ADGRB3: variants seen among roughly 807,000 people sequenced by gnomAD.
ADGRB3 encodes brain-specific angiogenesis inhibitor 3.
A neutral mutation model predicts 193.4 loss-of-function variants in ADGRB3; 37 were observed. The ratio of observed to expected loss-of-function variants is 0.19; its 90% CI spans 0.15 to 0.25. The LOEUF (loss-of-function observed/expected upper bound fraction) is 0.25. Ranked by LOEUF, ADGRB3 falls within the 10% of genes least tolerant of loss-of-function variation. ADGRB3 has a pLI of 1.00. For missense variants in ADGRB3, 1,637 were observed against 1,852.9 expected, an observed-to-expected ratio of 0.88 and a Z score of 2.14; for synonymous variants, 690 against 644.2, an observed-to-expected ratio of 1.07 and a Z score of -1.08.
At chr6:68,938,351 A>T (rs1767537706) in intron 5 of ADGRB3, among the ~76,000 whole-genome samples, 1 of 151,538 alleles carries the variant, frequency 6.6e-6, no homozygotes, top group Middle Eastern at 3.4e-3. Context: ...AACAAGTAGA[A>T]GTAAGGACCA....
At chr6:68,818,427 A>G (rs1203006360) in intron 3 of ADGRB3, among the ~76,000 whole-genome samples, 1 of 151,778 alleles carries the variant, frequency 6.6e-6, no homozygotes, top group African/African-American at 2.4e-5. Context: ...CCCCTTCCCA[A>G]CCCTCCATCC....
chr6:68,917,525 C>G (rs1766916782), intron 3 of ADGRB3, among the ~76,000 whole-genome samples: 1 of 152,028 alleles, frequency 6.6e-6, no homozygotes, highest in Non-Finnish European at 1.5e-5. Context: ...TAAAAAATCT[C>G]AGTTCCTGAT....
intron 17 of ADGRB3, among the ~76,000 whole-genome samples, chr6:69,081,850 A>G (rs1272944840): frequency 6.6e-6 from 1 of 152,086 alleles, no homozygotes; most frequent in Non-Finnish European, 1.5e-5. Flanking sequence ...GCAACCCATT[A>G]TGTCCATTAG....
At chr6:68,894,443 A>C (rs911186869) in intron 3 of ADGRB3, among the ~76,000 whole-genome samples, 7 of 151,936 alleles carry the variant, frequency 4.6e-5, no homozygotes, top group African/African-American at 1.7e-4. Context: ...ATTTCTTTCT[A>C]GACTATGCCT....
At chr6:68,791,363 A>G (rs935049460) in intron 3 of ADGRB3, among the ~76,000 whole-genome samples, 1 of 152,250 alleles carries the variant, frequency 6.6e-6, no homozygotes, top group Non-Finnish European at 1.5e-5. Context: ...CATACAATAT[A>G]GGTATATGCT....
intron 20 of ADGRB3, among the ~76,000 whole-genome samples, chr6:69,258,803 CCA>C (rs1411502083): frequency 1.3e-5 from 2 of 152,134 alleles, no homozygotes; most frequent in African/African-American, 2.4e-5. Context: ...TTCACCTTCC[CCA>C]CACCCTCTCC....
chr6:69,371,301 A>G (rs1031351695), intron 29 of ADGRB3, among the ~76,000 whole-genome samples: 5 of 152,098 alleles, frequency 3.3e-5, no homozygotes, highest in African/African-American at 1.2e-4. Flanking sequence ...ATTTAATCAT[A>G]GTTTTCAAGA....
rs1333687259 is a variant in ADGRB3 at position 69,050,063 on chromosome 6, A to G, written c.2333+717A>G. The stretch of plus-strand genomic sequence containing the variant: ...ACCTCGTTTTGGAAGATAGAGATAA[A>G]GTTGTTTTAGTTAAATACGATCACA... On this transcript the variant is annotated intron_variant, in intron 15 of 31. Transcript: ENST00000370598. Among the ~76,000 whole-genome samples the G allele has an allele frequency of 6.6e-5, 10 of 152,210 alleles. No individual in the cohort carries two copies. In the South Asian group the frequency reaches 1.7e-3, roughly 25 times the overall value.
chr6:69,368,815 G>A (rs1008689674), intron 29 of ADGRB3, among the ~76,000 whole-genome samples: 1 of 152,066 alleles, frequency 6.6e-6, no homozygotes, highest in African/African-American at 2.4e-5. Context: ...AATTTGACCA[G>A]ATGGAGCTCA....
intron 10 of ADGRB3, among the ~76,000 whole-genome samples, chr6:68,983,929 T>C (rs1768999222): frequency 6.6e-6 from 1 of 152,154 alleles, no homozygotes; most frequent in East Asian, 1.9e-4. Flanking sequence ...GAGATAAACA[T>C]GTAAACGGTA....
In ADGRB3 at chr6:69,328,075, T is replaced by C. The variant is rs1010883987; in HGVS notation, c.3035+186T>C. Among the ~76,000 whole-genome samples the C allele has an allele frequency of 2.6e-5, 4 of 152,308 alleles. No homozygotes were observed. In the South Asian group the frequency reaches 6.2e-4, roughly 24 times the overall value. On this transcript the variant is annotated intron_variant, in intron 22 of 31. Transcript: ENST00000370598. ...TTAAGAAATAAATGTTGTGGCACTA[T>C]TCAGAATCTTTGTTTTAGTTTCCCA...
intron 17 of ADGRB3, among the ~76,000 whole-genome samples, chr6:69,143,779 C>T (rs1008702517): frequency 3.9e-5 from 6 of 152,094 alleles, no homozygotes; most frequent in Admixed American, 2.0e-4. Flanking sequence ...TTTTTGGTTA[C>T]TATAGCTCCG....
chr6:69,183,791 G>A (rs931299989), intron 17 of ADGRB3, among the ~76,000 whole-genome samples: 3 of 152,024 alleles, frequency 2.0e-5, no homozygotes, highest in African/African-American at 7.2e-5. Flanking sequence ...GAAAAGATAT[G>A]AATGTAAATT....
rs951421741 is a variant in ADGRB3, at chr6:69,315,707, G to A, written c.2815-9165G>A. ...TCCAGAATTATATTGTAAATGCCTT[G>A]TACATATTTTATTCCATGTGAATAG... On this transcript the variant is annotated intron_variant, in intron 20 of 31. Transcript: ENST00000370598. 3.3e-5 allele frequency among the ~76,000 whole-genome samples: 5 copies of A among 151,316 alleles called. No homozygotes were observed. In the East Asian group the frequency reaches 9.7e-4, roughly 29 times the overall value.
chr6:68,696,646 A>T (rs1582130252), intron 3 of ADGRB3, among the ~76,000 whole-genome samples: 1 of 151,948 alleles, frequency 6.6e-6, no homozygotes, highest in East Asian at 1.9e-4. Flanking sequence ...AATTTATATA[A>T]TTTTTTCTAA....
chr6:69,160,714 G>A (rs944896421), intron 17 of ADGRB3, among the ~76,000 whole-genome samples: 6 of 152,038 alleles, frequency 3.9e-5, no homozygotes, highest in African/African-American at 1.4e-4. Context: ...TCCAGTGCTA[G>A]ATTTGTAATA....
chr6:69,283,036 G>A (rs902739711), intron 20 of ADGRB3, among the ~76,000 whole-genome samples: 2 of 152,064 alleles, frequency 1.3e-5, no homozygotes, highest in Middle Eastern at 3.2e-3. Flanking sequence ...AGGCAAAGGT[G>A]CAAAGGAAAA....
intron 17 of ADGRB3, among the ~76,000 whole-genome samples, chr6:69,230,445 C>T (rs1334089220): frequency 6.6e-6 from 1 of 152,160 alleles, no homozygotes; most frequent in African/African-American, 2.4e-5. Context: ...CACATTTGCT[C>T]TGCCACATAT....
At chr6:68,910,070 G>A (rs920603979) in intron 3 of ADGRB3, among the ~76,000 whole-genome samples, 1 of 152,100 alleles carries the variant, frequency 6.6e-6, no homozygotes, top group Non-Finnish European at 1.5e-5. Flanking sequence ...AGCACCTGTT[G>A]TTTCCTGACT....
Sources: allele counts gnomAD v4.1 joint callset (sites outside exome capture counted in the v4.1 genomes callset), GRCh38; gene constraint gnomAD v4.1.1; transcripts MANE v1.5; gene names NCBI Gene and HGNC (gene_info 2026-07-23, HGNC 2026-07-21).